Variants in RIMS4 observed in about 807,000 individuals in gnomAD.
RIMS4 encodes the protein regulating synaptic membrane exocytosis 4.
In RIMS4, 9 loss-of-function variants were observed where a neutral mutation model predicts 29.0. That is an observed-to-expected ratio of 0.31 (90% CI 0.19 to 0.54). The LOEUF is 0.54. RIMS4 is among the 20% of genes least tolerant of loss of function. The probability of loss-of-function intolerance (pLI) is 0.94; values close to 1 mark genes in which losing one functional copy is unlikely to be tolerated. For missense variants in RIMS4, 193 were observed against 365.7 expected, an observed-to-expected ratio of 0.53 and a Z score of 3.85; for synonymous variants, 130 against 152.9, an observed-to-expected ratio of 0.85 and a Z score of 1.10.
chr20:44,777,143 C>CA (rs1408160684), intron 1 of RIMS4, among the ~76,000 whole-genome samples: 1 of 152,202 alleles, frequency 6.6e-6, no homozygotes, highest in African/African-American at 2.4e-5. Flanking sequence ...TAGTCGATGT[C>CA]AGTGTTTACA....
intron 2 of RIMS4, among the ~76,000 whole-genome samples, chr20:44,767,500 G>A (rs1193782531): frequency 6.6e-6 from 1 of 152,238 alleles, no homozygotes; most frequent in African/African-American, 2.4e-5. Flanking sequence ...TGGAAAGAGA[G>A]AGGGGCTCTG....
Position 44,802,192 on chromosome 20 carries a change from A to G in RIMS4, c.97+7983T>C, listed in dbSNP as rs564514857. 3.3e-5 allele frequency among the ~76,000 whole-genome samples: 5 copies of G among 152,278 alleles called. No individual in the cohort carries two copies. The East Asian group carries it at 9.6e-4, about 29-fold the overall frequency. ...AGCTGCTACCAATGACTGGGAACCTACTATGTGCCGAGGGTTAAACATGCA... is the reference window on the plus strand; with the variant it reads ...AGCTGCTACCAATGACTGGGAACCTGCTATGTGCCGAGGGTTAAACATGCA... On this transcript the variant is annotated intron_variant, in intron 1 of 5. Coordinates refer to ENST00000372851, the MANE Select transcript of RIMS4 (RefSeq NM_182970.4).
At chr20:44,760,311 G>A (rs2066078643) in intron 2 of RIMS4, among the ~76,000 whole-genome samples, 2 of 152,166 alleles carry the variant, frequency 1.3e-5, no homozygotes, top group Admixed American at 1.3e-4. Context: ...GTGGAGCTAA[G>A]AAAAGGGCAG....
At chr20:44,771,746 G>A (rs547885364) in intron 1 of RIMS4, among the ~76,000 whole-genome samples, 3 of 152,226 alleles carry the variant, frequency 2.0e-5, no homozygotes, top group Admixed American at 1.3e-4. Context: ...GTCCTACTGT[G>A]TCAAGTGCTT....
intron 1 of RIMS4, among the ~76,000 whole-genome samples, chr20:44,793,824 T>C (rs911668376): frequency 3.9e-5 from 6 of 152,072 alleles, no homozygotes; most frequent in African/African-American, 1.4e-4. Flanking sequence ...AATCCCAGTG[T>C]ATTGGGAGAC....
At chr20:44,772,507 G>A (rs1469494460) in intron 1 of RIMS4, among the ~76,000 whole-genome samples, 1 of 152,178 alleles carries the variant, frequency 6.6e-6, no homozygotes, top group Non-Finnish European at 1.5e-5. Flanking sequence ...GGTGGATGCT[G>A]CTGTTCACCC....
intron 1 of RIMS4, among the ~76,000 whole-genome samples, chr20:44,801,381 C>T (rs373148714): frequency 1.3e-5 from 2 of 152,172 alleles, no homozygotes; most frequent in Admixed American, 6.5e-5. Flanking sequence ...AAATTATCAG[C>T]GACCCCTTTC....
intron 1 of RIMS4, among the ~76,000 whole-genome samples, chr20:44,793,394 A>G (rs760372077): frequency 3.9e-5 from 6 of 152,220 alleles, no homozygotes; most frequent in Non-Finnish European, 8.8e-5. Flanking sequence ...CCACAGATGA[A>G]TGCGGAGGGG....
At chr20:44,765,150 T>C (rs768344297) in intron 2 of RIMS4, among the ~76,000 whole-genome samples, 7 of 152,200 alleles carry the variant, frequency 4.6e-5, no homozygotes, top group Non-Finnish European at 7.3e-5. Context: ...ATCACTCTGC[T>C]AGGAGTGGCA....
intron 1 of RIMS4, among the ~76,000 whole-genome samples, chr20:44,802,992 C>T (rs899024203): frequency 3.3e-5 from 5 of 152,210 alleles, no homozygotes; most frequent in Admixed American, 3.3e-4. Flanking sequence ...TAGGCTTTAT[C>T]TCAGATATCA....
chr20:44,792,682 T>C (rs1041497578), intron 1 of RIMS4, among the ~76,000 whole-genome samples: 15 of 152,196 alleles, frequency 9.9e-5, no homozygotes, highest in Admixed American at 5.9e-4. Flanking sequence ...ATGACAATGG[T>C]ATACCCCTCA....
At chr20:44,777,868 C>G (rs1019572449) in intron 1 of RIMS4, among the ~76,000 whole-genome samples, 2 of 152,202 alleles carry the variant, frequency 1.3e-5, no homozygotes, top group African/African-American at 4.8e-5. Context: ...GAAGTTCCCC[C>G]AGACACAAGA....
At chr20:44,810,099 C>T (rs1464811926) in intron 1 of RIMS4, 76 bp downstream of exon 1, 2 of 791,140 alleles carry the variant, frequency 2.5e-6, no homozygotes, top group Middle Eastern at 6.0e-4. Flanking sequence ...GAGGAGGGCG[C>T]ACGGGTCGGG....
chr20:44,783,482 G>A (rs1486686539), intron 1 of RIMS4, among the ~76,000 whole-genome samples: 1 of 152,070 alleles, frequency 6.6e-6, no homozygotes, highest in Non-Finnish European at 1.5e-5. Flanking sequence ...AATTAGCTGG[G>A]CTGTGGTGGT....
At chr20:44,793,144 C>T (rs73907557) in intron 1 of RIMS4, among the ~76,000 whole-genome samples, 45 of 152,202 alleles carry the variant, frequency 3.0e-4, no homozygotes, top group African/African-American at 1.0e-3. Context: ...TATGGGGCCA[C>T]GAGAGGAAGG....
intron 3 of RIMS4, 88 bp downstream of exon 3, chr20:44,757,984 G>T: frequency 9.2e-7 from 1 of 1,092,480 alleles, no homozygotes; most frequent in Non-Finnish European, 1.4e-6. Flanking sequence ...TGGATCAACA[G>T]GCAAAGGGGA....
At chr20:44,786,025 T>G (rs1382219846) in intron 1 of RIMS4, among the ~76,000 whole-genome samples, 2 of 152,106 alleles carry the variant, frequency 1.3e-5, no homozygotes, top group Non-Finnish European at 2.9e-5. Context: ...CATGCCACAC[T>G]GGGCAAAGAG....
At chr20:44,784,998 ACTC>A (rs772543563) in intron 1 of RIMS4, among the ~76,000 whole-genome samples, 10 of 151,952 alleles carry the variant, frequency 6.6e-5, no homozygotes, top group Non-Finnish European at 1.5e-4. Flanking sequence ...ACTTCTCACA[ACTC>A]CTAGGTGAGG....
chr20:44,793,980 G>T (rs1180915337), intron 1 of RIMS4, among the ~76,000 whole-genome samples: 1 of 152,186 alleles, frequency 6.6e-6, no homozygotes, highest in Non-Finnish European at 1.5e-5. Context: ...GAGGCAGGAG[G>T]ATCACTTGAG....
Sources: gnomAD v4.1 joint callset for allele counts (sites outside exome capture counted in the v4.1 genomes callset) on GRCh38, gnomAD v4.1.1 for gene constraint, MANE v1.5 for transcripts, NCBI Gene and HGNC (gene_info 2026-07-23, HGNC 2026-07-21) for gene names.